The following AACS variants were observed in gnomAD, a reference collection of about 807,000 sequenced individuals.
The protein encoded by AACS is acetoacetate-CoA ligase.
Under a neutral mutation model 83.1 loss-of-function variants are expected in AACS, and 69 were observed. The observed-to-expected ratio is 0.83, with a 90% CI of 0.68 to 1.01. The LOEUF (loss-of-function observed/expected upper bound fraction) is 1.01. AACS is among the 50% of genes least tolerant of loss of function. The pLI is 0.00. For missense variants in AACS, 866 were observed against 882.2 expected, an observed-to-expected ratio of 0.98 and a Z score of 0.23; for synonymous variants, 333 against 343.4, an observed-to-expected ratio of 0.97 and a Z score of 0.33.
intron 1 of AACS, among the ~76,000 whole-genome samples, chr12:125,066,449 G>GC (rs375121803): frequency 1.3e-5 from 1 of 79,838 alleles, no homozygotes; most frequent in African/African-American, 4.0e-5. Flanking sequence ...ATTCCTAGGG[G>GC]ATTTTTTTTT....
intron 9 of AACS, chr12:125,118,411 G>A (rs1957094594): frequency 1.7e-5 from 9 of 543,054 alleles, no homozygotes; most frequent in South Asian, 1.2e-4. Flanking sequence ...CAGCAAGGGT[G>A]CAACAGACAT....
Position 125,134,029 on chromosome 12 carries a change from A to G in AACS, c.1576A>G (p.Arg526Gly). 6.2e-7 allele frequency: 1 copy of G among 1,614,194 alleles called. No homozygotes were observed. Among genetic ancestry groups the G allele is most frequent in the Non-Finnish European group, 8.5e-7 (1 of 1,180,028 alleles). Reference sequence around the variant, plus strand: ...TATCTGGGCTCATGGCGACTACTGCAGAATCAACCCCAAGACCGGGGGCAT... The same window carrying G: ...TATCTGGGCTCATGGCGACTACTGCGGAATCAACCCCAAGACCGGGGGCAT... Reference protein sequence around the residue: ...PGIWAHGDYCRINPKTGGIVM... With the variant: ...PGIWAHGDYCGINPKTGGIVM... Residue 526 changes from arginine (R) to glycine (G), a missense_variant, in exon 15 of 18, where the codon AGA becomes GGA. Transcript: ENST00000316519.
intron 14 of AACS, among the ~76,000 whole-genome samples, chr12:125,133,067 CCTG>C (rs1358453680): frequency 6.6e-6 from 1 of 152,222 alleles, no homozygotes; most frequent in Non-Finnish European, 1.5e-5. Flanking sequence ...AGGAGGCCAG[CCTG>C]CTGCTGAGGC....
At chr12:125,076,973 G>A (rs562679686) in intron 3 of AACS, among the ~76,000 whole-genome samples, 1 of 152,122 alleles carries the variant, frequency 6.6e-6, no homozygotes, top group South Asian at 2.1e-4. Flanking sequence ...GCATGATCAT[G>A]GATGGCTCAC....
chr12:125,114,294 G>T, intron 8 of AACS, 183 bp from the exon 9 acceptor site: 1 of 495,418 alleles, frequency 2.0e-6, no homozygotes, highest in Non-Finnish European at 3.6e-6. Context: ...GAGGGACATG[G>T]GGGCATGGCT....
At chr12:125,111,403 A>C (rs1373085158) in intron 8 of AACS, among the ~76,000 whole-genome samples, 1 of 152,250 alleles carries the variant, frequency 6.6e-6, no homozygotes, top group Admixed American at 6.5e-5. Flanking sequence ...TGCATAGTGC[A>C]TGTCATTTTT....
intron 1 of AACS, among the ~76,000 whole-genome samples, chr12:125,069,817 G>C (rs890589804): frequency 6.6e-5 from 10 of 152,230 alleles, no homozygotes; most frequent in Non-Finnish European, 1.5e-4. Context: ...AAATAGCTCC[G>C]GGTGGCTAGG....
At chr12:125,134,995 T>C in intron 16 of AACS, 143 bp downstream of exon 16, 3 of 947,180 alleles carry the variant, frequency 3.2e-6, no homozygotes, top group Non-Finnish European at 4.9e-6. Context: ...CCTGACCTCC[T>C]TTCCAGAACA....
intron 14 of AACS, among the ~76,000 whole-genome samples, chr12:125,133,237 C>G (rs1398730616): frequency 6.6e-6 from 1 of 152,138 alleles, no homozygotes; most frequent in Non-Finnish European, 1.5e-5. Context: ...GGCTGTGTGG[C>G]TTCTCTTCAC....
intron 4 of AACS, among the ~76,000 whole-genome samples, chr12:125,087,933 C>T (rs994015898): frequency 6.6e-5 from 10 of 152,214 alleles, no homozygotes; most frequent in African/African-American, 2.2e-4. Flanking sequence ...AGCCTATCCT[C>T]AGGGTTCACC....
chr12:125,136,688 AGCCT>A lies in AACS; in HGVS notation c.1707_1710del (p.Leu570ValfsTer13). 6.2e-7 allele frequency: 1 copy of A among 1,614,056 alleles called. No homozygotes were observed. Among genetic ancestry groups the A allele is most frequent in the East Asian group, 2.2e-5 (1 of 44,876 alleles). ...GGAATCCTTCGAGGAGGTGGAGGACAGCCTGTGTGTCCCCCAGTATAACAAGTAC... is the reference window on the plus strand; with the variant it reads ...GGAATCCTTCGAGGAGGTGGAGGACAGTGTGTCCCCCAGTATAACAAGTAC... On this transcript the variant is annotated frameshift_variant, in exon 17 of 18. Coordinates refer to ENST00000316519, the MANE Select transcript of AACS (RefSeq NM_023928.5). LOFTEE classifies it high-confidence loss of function.
chr12:125,097,108 C>T lies in AACS; in HGVS notation c.571-5571C>T, dbSNP rs752778709. Among the ~76,000 whole-genome samples the T allele has an allele frequency of 1.3e-5, 2 of 152,080 alleles. No homozygotes were observed. The highest frequency in any genetic ancestry group is 2.4e-5 in the African/African-American group (1 of 41,402). ...AAGGAGGGCTAGCCCTGGTGGCCTGCGGAGTAAATGCTGGTGGGACCGGGG... is the reference window on the plus strand; with the variant it reads ...AAGGAGGGCTAGCCCTGGTGGCCTGTGGAGTAAATGCTGGTGGGACCGGGG... On this transcript the variant is annotated intron_variant, in intron 5 of 17. Transcript: ENST00000316519. This position sits in a 1 kb window ranked among gnomAD's most constrained non-coding sequence, Gnocchi z 4.3.
At chr12:125,088,107 G>C (rs1956381048) in intron 4 of AACS, among the ~76,000 whole-genome samples, 1 of 152,138 alleles carries the variant, frequency 6.6e-6, no homozygotes. Flanking sequence ...TAGAAGGCAG[G>C]GGCTTTGTTT....
At chr12:125,095,973 C>CT (rs1956597730) in intron 5 of AACS, among the ~76,000 whole-genome samples, 1 of 152,088 alleles carries the variant, frequency 6.6e-6, no homozygotes, top group Non-Finnish European at 1.5e-5. Flanking sequence ...TATTGCCCCT[C>CT]TTTTTTTCTG....
At chr12:125,109,852 T>C (rs757993080) in intron 8 of AACS, among the ~76,000 whole-genome samples, 1 of 152,174 alleles carries the variant, frequency 6.6e-6, no homozygotes, top group Non-Finnish European at 1.5e-5. Context: ...ATGTCTGGTG[T>C]CTCCTCGTGG....
chr12:125,076,683 T>G, intron 3 of AACS, 72 bp downstream of exon 3: 2 of 1,581,982 alleles, frequency 1.3e-6, no homozygotes, highest in South Asian at 2.3e-5. Context: ...CGGTGCCACA[T>G]ATTTGGAGAG....
At position 125,065,836 on chromosome 12, in the gene AACS, G is replaced by A. The variant is rs1452903989; in HGVS notation, c.133+119G>A. 4.4e-6 allele frequency: 6 copies of A among 1,358,980 alleles called. No individual in the cohort carries two copies. The East Asian group carries it at 9.1e-5, about 21-fold the overall frequency. The allele number at this position is 1,358,980 out of a possible 1,614,324, so 84.2% of individuals were successfully genotyped here. On this transcript the variant is annotated intron_variant, in intron 1 of 17. Transcript: ENST00000316519. ...GGGGCTGGAGGAGCCACTTGATGGC[G>A]GGGAGGCCTTCTGACTGCGGGGTTC...
At chr12:125,128,299 T>C (rs1957277752) in intron 13 of AACS, 25 bp downstream of exon 13, 4 of 1,597,254 alleles carry the variant, frequency 2.5e-6, no homozygotes, top group Non-Finnish European at 3.4e-6. Flanking sequence ...AACTGTTTCT[T>C]TCTGTGATTA....
In AACS at chr12:125,103,013, GA is replaced by G; in HGVS notation, c.701del (p.Lys234ArgfsTer5). ...CGCTCCTTCCAGGCCTACCAGACTTGAAGAAAGTGGTGGTGATTCCTTATGT... is the reference window on the plus strand; with the variant it reads ...CGCTCCTTCCAGGCCTACCAGACTTGAGAAAGTGGTGGTGATTCCTTATGT... Reference protein sequence around the residue: ...QQVVKGLPDLKKVVVIPYVSS... With the variant: ...QQVVKGLPDLXKVVVIPYVSS... On this transcript the variant is annotated frameshift_variant, in exon 7 of 18. Transcript: ENST00000316519. LOFTEE classifies it high-confidence loss of function. 2 of 1,613,748 alleles carry G rather than the reference GA, an allele frequency of 1.2e-6. No individual in the cohort carries two copies. The highest frequency in any genetic ancestry group is 1.7e-6 in the Non-Finnish European group (2 of 1,179,966).
Sources: allele counts gnomAD v4.1 joint callset (sites outside exome capture counted in the v4.1 genomes callset), GRCh38; gene constraint gnomAD v4.1.1; non-coding constraint Gnocchi (gnomAD v3.1); transcripts MANE v1.5; gene names NCBI Gene and HGNC (gene_info 2026-07-23, HGNC 2026-07-21).